The following TAS2R1 variants were observed in gnomAD, a reference collection of about 807,000 sequenced individuals.
TAS2R1 encodes taste 2 receptor member 1, also known as taste receptor type 2 member 1.
For synonymous variants in TAS2R1, 141 were observed against 134.2 expected (o/e 1.05, Z -0.35); for missense variants, 370 against 353.4 (o/e 1.05, Z -0.38).
chr5:9,736,950 A>C, the TAS2R1 span, among the ~76,000 whole-genome samples: 1 of 151,982 alleles, frequency 6.6e-6, no homozygotes, highest in Non-Finnish European at 1.5e-5. Flanking sequence ...AGTTCTCCCT[A>C]CCCTTATTCA....
At chr5:9,678,279 C>G (rs1183617443) in intron 1 of TAS2R1, among the ~76,000 whole-genome samples, 3 of 152,054 alleles carry the variant, frequency 2.0e-5, no homozygotes, top group Non-Finnish European at 4.4e-5. Flanking sequence ...AGTCAAGAAA[C>G]AACAGATGCT....
At chr5:9,650,808 T>C (rs146755052) in intron 2 of TAS2R1, among the ~76,000 whole-genome samples, 183 of 152,296 alleles carry the variant, frequency 1.2e-3, no homozygotes, top group African/African-American at 3.9e-3. Context: ...TCCCTCTTCC[T>C]AGAATATAAA....
the TAS2R1 span, among the ~76,000 whole-genome samples, chr5:9,748,550 C>G: frequency 6.6e-6 from 1 of 152,068 alleles, no homozygotes; most frequent in Non-Finnish European, 1.5e-5. Context: ...GGCGCTTTCA[C>G]TCATGGTGGA....
chr5:9,903,193 T>G, the TAS2R1 span, among the ~76,000 whole-genome samples: 1 of 152,050 alleles, frequency 6.6e-6, no homozygotes, highest in Non-Finnish European at 1.5e-5. Context: ...TCATCCATTT[T>G]TTTGTACACA....
the TAS2R1 span, among the ~76,000 whole-genome samples, chr5:9,880,667 G>A: frequency 6.6e-6 from 1 of 152,184 alleles, no homozygotes; most frequent in Admixed American, 6.5e-5. Flanking sequence ...CTCCTGGACA[G>A]CAAAAGTGTC....
At chr5:9,678,172 T>A (rs1391976534) in intron 1 of TAS2R1, among the ~76,000 whole-genome samples, 1 of 151,706 alleles carries the variant, frequency 6.6e-6, no homozygotes, top group Non-Finnish European at 1.5e-5. Flanking sequence ...CTAACAAACA[T>A]ATGAAAAAAA....
the TAS2R1 span, among the ~76,000 whole-genome samples, chr5:9,843,858 A>G: frequency 1.3e-5 from 2 of 152,220 alleles, no homozygotes; most frequent in Non-Finnish European, 2.9e-5. Flanking sequence ...ACTGTGGAAG[A>G]ATCCTTTTCC....
chr5:9,752,046 C>T, the TAS2R1 span, among the ~76,000 whole-genome samples: 5 of 152,160 alleles, frequency 3.3e-5, no homozygotes, highest in South Asian at 4.1e-4. Context: ...GATGGTTTCC[C>T]GTGGAAACAA....
At chr5:9,694,153 A>C (rs1741311324) in intron 1 of TAS2R1, among the ~76,000 whole-genome samples, 1 of 152,224 alleles carries the variant, frequency 6.6e-6, no homozygotes, top group Non-Finnish European at 1.5e-5. Context: ...ATTAAGACAC[A>C]AACCAATTAC....
Position 9,635,862 on chromosome 5 carries a change from T to G in TAS2R1, c.-80-5870A>C, listed in dbSNP as rs143767070. On this transcript the variant is annotated intron_variant, in intron 2 of 2. Coordinates refer to the TAS2R1 transcript ENST00000506620. The stretch of plus-strand genomic sequence containing the variant: ...GTTAATCTCACTAATGGTCTATCAA[T>G]TTTGTTTATCCTTTCAAAGAACCAG... Among the ~76,000 whole-genome samples, 99 of 152,276 alleles carry G rather than the reference T, an allele frequency of 6.5e-4. No individual in the cohort carries two copies. The East Asian group carries it at 0.014, about 21-fold the overall frequency.
the TAS2R1 span, among the ~76,000 whole-genome samples, chr5:9,772,452 C>G: frequency 4.5e-3 from 678 of 152,018 alleles, 4 homozygotes; most frequent in African/African-American, 0.015. Context: ...ATGATCTTTG[C>G]GCTGAGGAGA....
intron 1 of TAS2R1, among the ~76,000 whole-genome samples, chr5:9,670,683 T>C (rs901185623): frequency 6.6e-5 from 10 of 152,144 alleles, no homozygotes; most frequent in Admixed American, 2.0e-4. Flanking sequence ...TAGAACCAGA[T>C]GGATTCACAG....
At position 9,679,333 on chromosome 5, in the gene TAS2R1, C is replaced by T. The variant is rs114085037; in HGVS notation, c.-241-19752G>A. 7.0e-3 allele frequency among the ~76,000 whole-genome samples: 1,061 copies of T among 152,256 alleles called. 17 individuals are homozygous for T. The highest frequency in any genetic ancestry group is 0.025 in the African/African-American group (1,023 of 41,558). On this transcript the variant is annotated intron_variant, in intron 1 of 2. Transcript: ENST00000506620. ...CCGTAGAATTTTATAGCGCAAAGAA[C>T]GAACCTTAGTGAATATGAATTTAAA...
At chr5:9,699,767 T>C (rs900572981) in intron 1 of TAS2R1, among the ~76,000 whole-genome samples, 1 of 152,228 alleles carries the variant, frequency 6.6e-6, no homozygotes, top group African/African-American at 2.4e-5. Flanking sequence ...ATTATTTTAA[T>C]TGCAGTATGC....
the TAS2R1 span, among the ~76,000 whole-genome samples, chr5:9,861,200 TG>T: frequency 6.6e-6 from 1 of 152,014 alleles, no homozygotes; most frequent in African/African-American, 2.4e-5. Flanking sequence ...TTCACGCTGG[TG>T]GAAAAACAGC....
the TAS2R1 span, among the ~76,000 whole-genome samples, chr5:9,836,818 T>C: frequency 4.6e-5 from 7 of 152,188 alleles, no homozygotes. Flanking sequence ...ACAAGGCTTA[T>C]ACTTGAAAAT....
chr5:9,729,976 G>C, the TAS2R1 span, among the ~76,000 whole-genome samples: 1 of 152,186 alleles, frequency 6.6e-6, no homozygotes, highest in South Asian at 2.1e-4. Context: ...GGTAGATAAA[G>C]GGGGCAAGAA....
At chr5:9,891,745 C>T in the TAS2R1 span, among the ~76,000 whole-genome samples, 1 of 152,200 alleles carries the variant, frequency 6.6e-6, no homozygotes, top group African/African-American at 2.4e-5. Flanking sequence ...TAGACCAGGA[C>T]TCGTATTACA....
At chr5:9,638,879 C>A (rs1207801050) in intron 2 of TAS2R1, among the ~76,000 whole-genome samples, 1 of 152,090 alleles carries the variant, frequency 6.6e-6, no homozygotes, top group Non-Finnish European at 1.5e-5. Flanking sequence ...TCTGCTGTAT[C>A]ATATAGTTCA....
Sources: allele counts gnomAD v4.1 joint callset (sites outside exome capture counted in the v4.1 genomes callset), GRCh38; gene constraint gnomAD v4.1.1; transcripts MANE v1.5; gene names NCBI Gene and HGNC (gene_info 2026-07-23, HGNC 2026-07-21).